GRM6: variants seen among roughly 807,000 people sequenced by gnomAD.
GRM6 encodes glutamate metabotropic receptor 6.
Under a neutral mutation model 78.4 loss-of-function variants are expected in GRM6, and 73 were observed. The ratio of observed to expected loss-of-function variants is 0.93; its 90% confidence interval spans 0.77 to 1.13. GRM6 has a LOEUF of 1.13. Among genes scored for constraint, GRM6 ranks in the 50% most tolerant of loss-of-function variants. The pLI is 0.00. For missense variants in GRM6, 1,251 were observed against 1,256.4 expected, an observed-to-expected ratio of 1.00 and a Z score of 0.07; for synonymous variants, 580 against 555.0, an observed-to-expected ratio of 1.05 and a Z score of -0.63.
At position 178,986,203 on chromosome 5, in the gene GRM6, C is replaced by T. The variant is rs201728158; in HGVS notation, c.2051G>A (p.Arg684His). ...RIYRIFEQGK[R>H]SVTPPPFISP... ...GATGAAGGGAGGGGGTGTGACCGAG[C>T]GCTTGCCCTGCTCAAAGATGCGGTA... The change falls in exon 9 of 11, where the codon CGC becomes CAC. Residue 684 changes from arginine (R) to histidine (H), a missense_variant. Coordinates refer to ENST00000517717, the MANE Select transcript of GRM6 (RefSeq NM_000843.4). 8.9e-5 allele frequency: 144 copies of T among 1,613,944 alleles called. No individual in the cohort carries two copies. Among genetic ancestry groups the T allele is most frequent in the Middle Eastern group, 3.3e-4 (2 of 6,074 alleles).
In GRM6 at chr5:178,991,979, G is replaced by A. The variant is rs1343766322; in HGVS notation, c.609C>T (p.Ala203=). ...CCAGTGCCCTCACGATGTCCACCAT[G>A]GCCTGCGCCTGGTAGGAGTCGGGTG... ...VVPPDSYQAQ[A]MVDIVRALGW... Residue 203 remains alanine, a synonymous_variant, in exon 3 of 11, where the codon GCC becomes GCT. Transcript: ENST00000517717. This position sits in a 1 kb window ranked among gnomAD's most constrained non-coding sequence, Gnocchi z 5.0. 2.5e-6 allele frequency: 4 copies of A among 1,614,102 alleles called. No homozygotes were observed. Among genetic ancestry groups the A allele is most frequent in the Non-Finnish European group, 2.5e-6 (3 of 1,179,988 alleles).
chr5:178,983,363 A>G, intron 9 of GRM6, 142 bp from the exon 10 acceptor site: 1 of 772,344 alleles, frequency 1.3e-6, no homozygotes, highest in Non-Finnish European at 2.2e-6. Flanking sequence ...GGTGGCTCTC[A>G]GGAGCACTCA....
Position 178,981,389 on chromosome 5 carries a change from T to G in GRM6, c.*268A>C, listed in dbSNP as rs1760391536. 1.0e-5 allele frequency: 5 copies of G among 491,218 alleles called. No individual in the cohort carries two copies. Among genetic ancestry groups the G allele is most frequent in the Non-Finnish European group, 1.8e-5 (5 of 271,090 alleles). The allele number at this position is 491,218 out of a possible 1,614,324, so 30.4% of individuals were successfully genotyped here. A position where few individuals can be genotyped will look rare whatever the true frequency, so the allele number is the denominator to read the frequency against. On this transcript the variant is annotated 3_prime_UTR_variant, in exon 11 of 11. Transcript: ENST00000517717. This position sits in a 1 kb window ranked among gnomAD's most constrained non-coding sequence, Gnocchi z 5.1. ...GGATGAGAGAATAAGTTTAGTCCCT[T>G]TCTAGAGCTAGAACCTTCTCGGTGG...
In GRM6 at chr5:178,981,414, G is replaced by GTCGC; in HGVS notation, c.*242_*243insGCGA. Reference sequence around the variant, plus strand: ...TTCTAGAGCTAGAACCTTCTCGGTGGCTGTTTCCCACCATGGGAAGCGAGT... The same window carrying GTCGC: ...TTCTAGAGCTAGAACCTTCTCGGTGGTCGCCTGTTTCCCACCATGGGAAGCGAGT... On this transcript the variant is annotated 3_prime_UTR_variant, in exon 11 of 11. Transcript: ENST00000517717. The surrounding 1 kb of genome is among the most constrained non-coding windows in gnomAD (Gnocchi z 5.1). 1.8e-6 allele frequency: 1 copy of GTCGC among 541,776 alleles called. No individual in the cohort carries two copies. Among genetic ancestry groups the GTCGC allele is most frequent in the South Asian group, 2.3e-5 (1 of 43,582 alleles). 33.6% of individuals were successfully genotyped at this position (541,776 alleles called of 1,614,324 possible).
At position 178,992,535 on chromosome 5, in the gene GRM6, G is replaced by C. The variant is rs1760699839; in HGVS notation, c.505-452C>G. ...CCTAGGAGGGATTAGGGCAGACAGG[G>C]GAGCAGCAGGGGATGTTCCATTTAA... On this transcript the variant is annotated intron_variant, in intron 2 of 10. Coordinates refer to ENST00000517717, the MANE Select transcript of GRM6 (RefSeq NM_000843.4). The surrounding 1 kb of genome is among the most constrained non-coding windows in gnomAD (Gnocchi z 4.9). 3.1e-6 allele frequency: 1 copy of C among 321,980 alleles called. No individual in the cohort carries two copies. Among genetic ancestry groups the C allele is most frequent in the Non-Finnish European group, 6.2e-6 (1 of 161,318 alleles). 19.9% of individuals were successfully genotyped at this position (321,980 alleles called of 1,614,324 possible). A position where few individuals can be genotyped will look rare whatever the true frequency, so the allele number is the denominator to read the frequency against.
chr5:178,986,720 C>T lies in GRM6; in HGVS notation c.1534G>A (p.Glu512Lys), dbSNP rs949745250. ...EALQWSGDPHEVPSSLCSLPC... is the reference protein window; with the variant it reads ...EALQWSGDPHKVPSSLCSLPC... Reference sequence around the variant, plus strand: ...AGGCTGCACAGAGACGAGGGCACCTCGTGGGGGTCGCCAGACCACTGCAGG... The same window carrying T: ...AGGCTGCACAGAGACGAGGGCACCTTGTGGGGGTCGCCAGACCACTGCAGG... The change falls in exon 9 of 11, where the codon GAG becomes AAG. Residue 512 changes from glutamate to lysine, a missense_variant. By Grantham distance (56) the Glu-to-Lys change is moderately conservative. Transcript: ENST00000517717. 5 of 1,605,040 alleles carry T rather than the reference C, an allele frequency of 3.1e-6. No individual in the cohort carries two copies. The highest frequency in any genetic ancestry group is 1.7e-5 in the Admixed American group (1 of 60,006).
chr5:178,985,658 G>T (rs541571807), intron 9 of GRM6: 3 of 392,146 alleles, frequency 7.7e-6, no homozygotes, highest in Non-Finnish European at 1.5e-5. Context: ...AGCTGAGATA[G>T]TGCCACTGCA....
At chr5:178,985,499 C>A (rs187486931) in intron 9 of GRM6, 16 of 342,822 alleles carry the variant, frequency 4.7e-5, no homozygotes, top group Admixed American at 8.0e-5. Flanking sequence ...GTCAGGAGAT[C>A]GAGACCATCC....
chr5:178,983,470 C>T lies in GRM6; in HGVS notation c.2125-249G>A, dbSNP rs191787357. On this transcript the variant is annotated intron_variant, in intron 9 of 10. Coordinates refer to ENST00000517717, the MANE Select transcript of GRM6 (RefSeq NM_000843.4). ...CAGCTGCGGAGAAGGGCTGTGCCGC[C>T]CGTATATGTTGGCAACATCAGTGCA... is the stretch of plus-strand genomic sequence containing the variant. The T allele has an allele frequency of 2.1e-4, 142 of 682,112 alleles. 1 individual carries two copies. In the African/African-American group the frequency reaches 2.3e-3, roughly 11 times the overall value. 42.3% of individuals were successfully genotyped at this position (682,112 alleles called of 1,614,324 possible). A position where few individuals can be genotyped will look rare whatever the true frequency, so the allele number is the denominator to read the frequency against.
In GRM6 at chr5:178,981,286, T is replaced by G; in HGVS notation, c.*371A>C. 2 of 264,416 alleles carry G rather than the reference T, an allele frequency of 7.6e-6. No individual in the cohort carries two copies. The highest frequency in any genetic ancestry group is 7.4e-6 in the Non-Finnish European group (1 of 135,680). 16.4% of individuals were successfully genotyped at this position (264,416 alleles called of 1,614,324 possible). On this transcript the variant is annotated 3_prime_UTR_variant, in exon 11 of 11. Transcript: ENST00000517717. The surrounding 1 kb of genome is among the most constrained non-coding windows in gnomAD (Gnocchi z 5.1). ...TCTTCCACACTGCCCAATCCCCAGG[T>G]TATGGGGGTTGACTGAGGGGAGGAA... is the stretch of plus-strand genomic sequence containing the variant.
Position 178,994,667 on chromosome 5 carries a change from G to C in GRM6, c.278C>G (p.Ala93Gly). The change falls in exon 2 of 11, where the codon GCG (alanine) becomes GGG (glycine). Residue 93 changes from alanine to glycine, a missense_variant. By Grantham distance (60) the Ala-to-Gly change is moderately conservative. Coordinates refer to ENST00000517717, the MANE Select transcript of GRM6 (RefSeq NM_000843.4). ...CCGCGAGCAGGTGTCCAGCAGCCGC[G>C]CGCCCAGGCGCACGCCGGGCAGCAG... ...PELLPGVRLG[A>G]RLLDTCSRDT... 1 of 1,467,638 alleles carries C rather than the reference G, an allele frequency of 6.8e-7. No individual in the cohort carries two copies. Among genetic ancestry groups the C allele is most frequent in the East Asian group, 3.0e-5 (1 of 33,480 alleles). 90.9% of individuals were successfully genotyped at this position (1,467,638 alleles called of 1,614,324 possible).
Position 178,988,024 on chromosome 5 carries a change from T to G in GRM6, c.1354+911A>C, listed in dbSNP as rs1760602041. On this transcript the variant is annotated intron_variant, in intron 7 of 10. Coordinates refer to ENST00000517717, the MANE Select transcript of GRM6 (RefSeq NM_000843.4). This position sits in a 1 kb window ranked among gnomAD's most constrained non-coding sequence, Gnocchi z 6.0. The stretch of plus-strand genomic sequence containing the variant: ...ATCCACCTGTCTCGGCCTCCCAAAG[T>G]GCTCAGATTACAGGAGTGAGCCATT... Among the ~76,000 whole-genome samples, 1 of 152,180 alleles carries G rather than the reference T, an allele frequency of 6.6e-6. No individual in the cohort carries two copies. Among genetic ancestry groups the G allele is most frequent in the African/African-American group, 2.4e-5 (1 of 41,442 alleles).
At position 178,992,785 on chromosome 5, in the gene GRM6, G is replaced by A. The variant is rs747232871; in HGVS notation, c.505-702C>T. 6.6e-6 allele frequency among the ~76,000 whole-genome samples: 1 copy of A among 151,984 alleles called. No homozygotes were observed. Among genetic ancestry groups the A allele is most frequent in the African/African-American group, 2.4e-5 (1 of 41,364 alleles). On this transcript the variant is annotated intron_variant, in intron 2 of 10. Coordinates refer to ENST00000517717, the MANE Select transcript of GRM6 (RefSeq NM_000843.4). This position sits in a 1 kb window ranked among gnomAD's most constrained non-coding sequence, Gnocchi z 4.9. Reference sequence around the variant, plus strand: ...AGGGGGAGTTTCTGGAAGGAGGGAGGGGGGCTGGTCCAGGGTTGTTTGAAG... The same window carrying A: ...AGGGGGAGTTTCTGGAAGGAGGGAGAGGGGCTGGTCCAGGGTTGTTTGAAG...
In GRM6 at chr5:178,990,609, T is replaced by A; in HGVS notation, c.995A>T (p.Lys332Ile). The A allele has an allele frequency of 6.2e-7, 1 of 1,613,170 alleles. No homozygotes were observed. The highest frequency in any genetic ancestry group is 8.5e-7 in the Non-Finnish European group (1 of 1,179,834). The change falls in exon 5 of 11, where the codon AAA becomes ATA. Residue 332 changes from lysine to isoleucine, a missense_variant. By Grantham distance (102) the Lys-to-Ile change is moderately radical (BLOSUM62 -3). Transcript: ENST00000517717. ...GGACTCACCGTCGATGGAGGCCCTT[T>A]TGGGCAGGATGGTGATGGCCCCAAC... ...VAVGAITILP[K>I]RASIDGFDQY...
chr5:178,986,819 G>A lies in GRM6; in HGVS notation c.1500+19C>T, dbSNP rs949763558. The stretch of plus-strand genomic sequence containing the variant: ...GATCCTGGGCCCATGCCCACCTGGG[G>A]CTCGGTCTGCACACTCACATCCAGT... On this transcript the variant is annotated intron_variant, in intron 8 of 10. Coordinates refer to ENST00000517717, the MANE Select transcript of GRM6 (RefSeq NM_000843.4). The A allele has an allele frequency of 8.7e-6, 14 of 1,613,162 alleles. No individual in the cohort carries two copies. Among genetic ancestry groups the A allele is most frequent in the African/African-American group, 1.3e-5 (1 of 75,062 alleles).
In GRM6 at chr5:178,986,607, C is replaced by T. The variant is rs775084728; in HGVS notation, c.1647G>A (p.Gln549=). Residue 549 remains glutamine, a synonymous_variant, in exon 9 of 11, where the codon CAG becomes CAA. Coordinates refer to ENST00000517717, the MANE Select transcript of GRM6 (RefSeq NM_000843.4). ...AGGCCTCGCATGTGAACTCGTCCAC[C>T]TGGAAGCGGTACCCGTCACAGGCCT... ...HCEACDGYRF[Q]VDEFTCEACP... The T allele has an allele frequency of 3.7e-6, 6 of 1,604,096 alleles. No individual in the cohort carries two copies. The highest frequency in any genetic ancestry group is 4.2e-6 in the Non-Finnish European group (5 of 1,179,882).
rs1394605782 is a variant in GRM6, at chr5:178,979,433, G to A, written c.*2224C>T. 1 of 152,168 alleles carries A rather than the reference G, an allele frequency of 6.6e-6. No individual in the cohort carries two copies. The highest frequency in any genetic ancestry group is 1.5e-5 in the Non-Finnish European group (1 of 68,046). 9.4% of individuals were successfully genotyped at this position (152,168 alleles called of 1,614,324 possible). ...AGGATGTCCCCCTGTACCCAGAATG[G>A]TGCATGCTGTGGAGATACCCTGCAA... On this transcript the variant is annotated 3_prime_UTR_variant, in exon 11 of 11. Transcript: ENST00000517717.
chr5:178,994,020 GC>G (rs113655909), intron 2 of GRM6, among the ~76,000 whole-genome samples: 2 of 152,366 alleles, frequency 1.3e-5, no homozygotes, highest in African/African-American at 4.8e-5. Flanking sequence ...TGGAAGAAGG[GC>G]CCGGGTTCCA....
rs150140836 is a variant in GRM6 at position 178,989,127 on chromosome 5, G to A, written c.1162C>T (p.Arg388Cys). 77 of 1,613,716 alleles carry A rather than the reference G, an allele frequency of 4.8e-5. No homozygotes were observed. Among genetic ancestry groups the A allele is most frequent in the Non-Finnish European group, 6.0e-5 (71 of 1,179,898 alleles). Residue 388 changes from arginine to cysteine, a missense_variant, in exon 7 of 11, where the codon CGC (arginine) becomes TGC (cysteine). Coordinates refer to ENST00000517717, the MANE Select transcript of GRM6 (RefSeq NM_000843.4). ...DSTRKCTGEE[R>C]IGRDSTYEQE... is the part of the protein sequence containing the mutation. The stretch of plus-strand genomic sequence containing the variant: ...TCGTAGGTGGAGTCCCGGCCGATGC[G>A]TTCCTCGCCTGTCCTAGGGATGCCC...
Sources: allele counts gnomAD v4.1 joint callset (sites outside exome capture counted in the v4.1 genomes callset), GRCh38; gene constraint gnomAD v4.1.1; non-coding constraint Gnocchi (gnomAD v3.1); transcripts MANE v1.5; gene names NCBI Gene and HGNC (gene_info 2026-07-23, HGNC 2026-07-21).